The following PDZD2 variants were observed in gnomAD, a reference collection of about 807,000 sequenced individuals.
PDZD2 encodes PDZ domain-containing protein 2.
PDZD2 carries 90 observed loss-of-function variants against 220.7 expected under a neutral mutation model. The ratio of observed to expected loss-of-function variants is 0.41; its 90% CI spans 0.34 to 0.49. PDZD2 has a LOEUF of 0.49. PDZD2 is among the 20% of genes least tolerant of loss of function. The probability of loss-of-function intolerance (pLI) is 0.28; values close to 1 mark genes in which losing one functional copy is unlikely to be tolerated. For synonymous variants in PDZD2, 1,375 were observed against 1,450.5 expected (o/e 0.95, Z 1.18); for missense variants, 3,174 against 3,608.5 (o/e 0.88, Z 3.08).
chr5:31,789,132 G>A (rs1167736404), intron 1 of PDZD2, among the ~76,000 whole-genome samples: 1 of 152,324 alleles, frequency 6.6e-6, no homozygotes, highest in Admixed American at 6.5e-5. Flanking sequence ...GTCTGGGGCT[G>A]GTATAGCTGC....
chr5:31,640,445 C>T (rs766381571), intron 1 of PDZD2, among the ~76,000 whole-genome samples: 2 of 152,180 alleles, frequency 1.3e-5, no homozygotes, highest in Non-Finnish European at 2.9e-5. Flanking sequence ...CCTCTTGCCT[C>T]CACCAAAGGT....
intron 2 of PDZD2, among the ~76,000 whole-genome samples, chr5:31,950,806 C>T (rs1747112605): frequency 6.6e-6 from 1 of 152,186 alleles, no homozygotes; most frequent in Non-Finnish European, 1.5e-5. Flanking sequence ...ATGATATATA[C>T]TCTCTTCCTA....
At chr5:31,969,255 T>G (rs1375594642) in intron 2 of PDZD2, among the ~76,000 whole-genome samples, 5 of 151,860 alleles carry the variant, frequency 3.3e-5, no homozygotes, top group Non-Finnish European at 7.4e-5. Context: ...GCCTGTAATC[T>G]CAGCACTTTG....
rs1742131924 is a variant in PDZD2 at position 32,083,224 on chromosome 5, A to G, written c.3683-3907A>G. ...AAAAAAAAAAAAAATCCACTGTGGT[A>G]GTCACCAGTACCTAACAACCTTTTT... is the stretch of plus-strand genomic sequence containing the variant. On this transcript the variant is annotated intron_variant, in intron 19 of 24. Transcript: ENST00000438447. This position sits in a 1 kb window ranked among gnomAD's most constrained non-coding sequence, Gnocchi z 4.1. Among the ~76,000 whole-genome samples the G allele has an allele frequency of 6.7e-6, 1 of 150,018 alleles. No homozygotes were observed. The highest frequency in any genetic ancestry group is 2.4e-5 in the African/African-American group (1 of 40,932).
intron 1 of PDZD2, among the ~76,000 whole-genome samples, chr5:31,701,769 G>A (rs1412473160): frequency 6.6e-6 from 1 of 152,212 alleles, no homozygotes; most frequent in Non-Finnish European, 1.5e-5. Flanking sequence ...ATGAGCAGAT[G>A]TTTCCCTAAT....
intron 2 of PDZD2, chr5:31,847,313 A>C: frequency 2.9e-6 from 1 of 349,306 alleles, no homozygotes; most frequent in Non-Finnish European, 5.5e-6. Flanking sequence ...CTACTTTAAA[A>C]GATACAAAAT....
At chr5:31,689,886 G>A (rs889882252) in intron 1 of PDZD2, among the ~76,000 whole-genome samples, 4 of 152,070 alleles carry the variant, frequency 2.6e-5, no homozygotes, top group Admixed American at 2.0e-4. Context: ...AGGGTCTCTG[G>A]GTGGGGTCTT....
Position 31,766,180 on chromosome 5 carries a change from AAAAC to A in PDZD2, c.-360-32693_-360-32690del, listed in dbSNP as rs199857536. Among the ~76,000 whole-genome samples the A allele has an allele frequency of 4.1e-3, 625 of 152,260 alleles. 14 individuals are homozygous for A. Among genetic ancestry groups the A allele is most frequent in the Admixed American group, 0.032 (497 of 15,294 alleles). On this transcript the variant is annotated intron_variant, in intron 1 of 24. Coordinates refer to ENST00000438447, the MANE Select transcript of PDZD2 (RefSeq NM_178140.4). ...AGGCAACAGAGTGAGACCCTGTCTC[AAAAC>A]AAACAAACAAACAAAAATTCTGCCT... is the stretch of plus-strand genomic sequence containing the variant.
intron 1 of PDZD2, among the ~76,000 whole-genome samples, chr5:31,675,813 C>T (rs984946425): frequency 1.3e-4 from 20 of 152,118 alleles, no homozygotes; most frequent in Admixed American, 1.2e-3. Flanking sequence ...CCTCCAACCT[C>T]GGCCTTGCAA....
rs78098536 is a variant in PDZD2 at position 31,988,830 on chromosome 5, G to A, written c.978+5174G>A. The stretch of plus-strand genomic sequence containing the variant: ...CCTGGTTTCTTCTCCCCTCTCCCAC[G>A]TCGCTTAGCTTCTACCTTTCCTAGG... On this transcript the variant is annotated intron_variant, in intron 3 of 24. Transcript: ENST00000438447. Among the ~76,000 whole-genome samples, 40 of 152,102 alleles carry A rather than the reference G, an allele frequency of 2.6e-4. No homozygotes were observed. In the East Asian group the frequency reaches 6.0e-3, roughly 23 times the overall value.
rs572769902 is a variant in PDZD2 at position 32,046,084 on chromosome 5, G to A, written c.1520-2455G>A. On this transcript the variant is annotated intron_variant, in intron 7 of 24. Transcript: ENST00000438447. The stretch of plus-strand genomic sequence containing the variant: ...GTATATACATGTACACACGCAGATA[G>A]GTATTGTATATCATATAAACATTGT... Among the ~76,000 whole-genome samples, 25 of 152,044 alleles carry A rather than the reference G, an allele frequency of 1.6e-4. No homozygotes were observed. The South Asian group carries it at 4.8e-3, about 29-fold the overall frequency.
chr5:31,780,192 C>T (rs1256886888), intron 1 of PDZD2, among the ~76,000 whole-genome samples: 4 of 151,912 alleles, frequency 2.6e-5, no homozygotes, highest in African/African-American at 9.7e-5. Flanking sequence ...TGGGGACGAG[C>T]TCAATAGTCA....
At chr5:32,034,993 A>G (rs1169342573) in intron 6 of PDZD2, among the ~76,000 whole-genome samples, 1 of 152,194 alleles carries the variant, frequency 6.6e-6, no homozygotes, top group African/African-American at 2.4e-5. Context: ...GGTAATATGA[A>G]TGCAACAGAT....
intron 2 of PDZD2, chr5:31,820,681 AGGAC>A (rs1755785006): frequency 6.6e-6 from 1 of 151,246 alleles, no homozygotes; most frequent in African/African-American, 2.5e-5. Context: ...CCATCCTTTT[AGGAC>A]AAATTTCATG....
At chr5:31,723,639 C>T (rs9687951) in intron 1 of PDZD2, among the ~76,000 whole-genome samples, 31,269 of 151,752 alleles carry the variant, frequency 0.21, 3,298 homozygotes, top group African/African-American at 0.21. Context: ...TTTTTTGAGA[C>T]GAAGTCTCGC....
intron 2 of PDZD2, among the ~76,000 whole-genome samples, chr5:31,921,378 T>TAA (rs75580933): frequency 1.2e-4 from 18 of 151,584 alleles, no homozygotes; most frequent in East Asian, 7.8e-4. Flanking sequence ...GTTGTACAGG[T>TAA]AAAAAAAAAC....
intron 1 of PDZD2, among the ~76,000 whole-genome samples, chr5:31,775,950 G>A (rs151164798): frequency 1.7e-4 from 26 of 152,160 alleles, no homozygotes; most frequent in African/African-American, 5.3e-4. Context: ...GCCAGCATGC[G>A]TTAGGTGGAC....
At chr5:31,672,074 A>G (rs1746236817) in intron 1 of PDZD2, among the ~76,000 whole-genome samples, 2 of 152,162 alleles carry the variant, frequency 1.3e-5, no homozygotes, top group Admixed American at 1.3e-4. Context: ...ACTAGGTGCC[A>G]TTAGCACCTC....
chr5:32,045,768 A>C (rs1413632265), intron 7 of PDZD2, among the ~76,000 whole-genome samples: 2 of 152,042 alleles, frequency 1.3e-5, no homozygotes, highest in African/African-American at 4.8e-5. Context: ...ATTGCAAATC[A>C]ATTTCATATG....
Sources: gnomAD v4.1 joint callset for allele counts (sites outside exome capture counted in the v4.1 genomes callset) on GRCh38, gnomAD v4.1.1 for gene constraint, Gnocchi (gnomAD v3.1) non-coding constraint, MANE v1.5 for transcripts, NCBI Gene and HGNC (gene_info 2026-07-23, HGNC 2026-07-21) for gene names.